Variants in LPIN2 observed in about 807,000 individuals in gnomAD.
The protein encoded by LPIN2 is lipin 2.
A neutral mutation model predicts 111.4 loss-of-function variants in LPIN2; 55 were observed. The observed-to-expected ratio is 0.49, with a 90% CI of 0.40 to 0.62. The LOEUF is 0.62. Ranked by LOEUF, LPIN2 falls within the 20% of genes least tolerant of loss-of-function variation. The pLI is 0.00. For synonymous variants in LPIN2, 425 were observed against 414.0 expected (o/e 1.03, Z -0.32); for missense variants, 992 against 1,112.1 (o/e 0.89, Z 1.54).
chr18:2,930,438 T>G (rs1598530521), intron 9 of LPIN2, among the ~76,000 whole-genome samples: 1 of 152,352 alleles, frequency 6.6e-6, no homozygotes, highest in East Asian at 1.9e-4. Context: ...ATAATGAGCT[T>G]CCTGTGACCC....
chr18:2,965,388 G>C (rs68176423), intron 1 of LPIN2, among the ~76,000 whole-genome samples: 6,692 of 152,224 alleles, frequency 0.044, 175 homozygotes, highest in Middle Eastern at 0.092. Context: ...CTTTTGCTGA[G>C]CATCAAAGAA....
chr18:2,959,024 C>T (rs2077666459), intron 2 of LPIN2, among the ~76,000 whole-genome samples: 1 of 152,140 alleles, frequency 6.6e-6, no homozygotes. Flanking sequence ...CCAATTCCCC[C>T]AGAACAGGTC....
chr18:2,953,571 T>C (rs1203400080), intron 3 of LPIN2, among the ~76,000 whole-genome samples: 1 of 152,232 alleles, frequency 6.6e-6, no homozygotes, highest in Admixed American at 6.5e-5. Flanking sequence ...AAGTTGTTGG[T>C]TTCTCAATCA....
At chr18:2,945,784 G>T in intron 4 of LPIN2, 1 of 1,283,194 alleles carries the variant, frequency 7.8e-7, no homozygotes, top group Non-Finnish European at 1.1e-6. Context: ...ACTCGACTAA[G>T]TTCTGGAAGT....
In LPIN2 at chr18:3,003,283, G is replaced by A. The variant is rs2078461626; in HGVS notation, c.-10+9804C>T. 1.3e-5 allele frequency among the ~76,000 whole-genome samples: 2 copies of A among 152,210 alleles called. 1 individual carries two copies. The highest frequency in any genetic ancestry group is 4.1e-4 in the South Asian group (2 of 4,828). On this transcript the variant is annotated intron_variant, in intron 1 of 19. Coordinates refer to ENST00000677752, the MANE Select transcript of LPIN2 (RefSeq NM_001375808.2). ...TCCATTAGCGGGGAGCTCATCTGCA[G>A]ATGTAGTTACCAAGTGAGTCAAATG...
intron 4 of LPIN2, among the ~76,000 whole-genome samples, chr18:2,941,356 A>C (rs531380431): frequency 6.6e-6 from 1 of 152,332 alleles, no homozygotes; most frequent in South Asian, 2.1e-4. Context: ...ATGATACCAA[A>C]AATGACAAAT....
rs1427916506 is a variant in LPIN2 at position 2,951,173 on chromosome 18, T to G, written c.472A>C (p.Arg158=). ...TPSSVKKKKR[R]RKKYKQDSKK... ...CTGTCCTGTTTGTATTTCTTTCTCC[T>G]TCGTTTTTTCTTTTTCACAGAACTT... The change falls in exon 4 of 20, where the codon AGG becomes CGG. Residue 158 remains arginine, a synonymous_variant. Coordinates refer to ENST00000677752, the MANE Select transcript of LPIN2 (RefSeq NM_001375808.2). The G allele has an allele frequency of 1.2e-6, 2 of 1,614,192 alleles. No homozygotes were observed. Among genetic ancestry groups the G allele is most frequent in the East Asian group, 4.5e-5 (2 of 44,878 alleles).
chr18:2,958,226 G>A (rs559954222), intron 2 of LPIN2, among the ~76,000 whole-genome samples: 11 of 145,880 alleles, frequency 7.5e-5, no homozygotes, highest in Non-Finnish European at 1.7e-4. Flanking sequence ...AGCTTTTTCT[G>A]ATATCAATAA....
intron 1 of LPIN2, among the ~76,000 whole-genome samples, chr18:2,999,370 G>C (rs1331470374): frequency 6.6e-6 from 1 of 152,122 alleles, no homozygotes; most frequent in African/African-American, 2.4e-5. Flanking sequence ...GCCAAAGCGG[G>C]CGGATCACGA....
chr18:2,925,133 C>CT lies in LPIN2; in HGVS notation c.1938+90dup. The CT allele has an allele frequency of 6.6e-7, 1 of 1,508,660 alleles. No individual in the cohort carries two copies. The highest frequency in any genetic ancestry group is 9.2e-7 in the Non-Finnish European group (1 of 1,090,660). 93.5% of individuals were successfully genotyped at this position (1,508,660 alleles called of 1,614,324 possible). A position where few individuals can be genotyped will look rare whatever the true frequency, so the allele number is the denominator to read the frequency against. On this transcript the variant is annotated intron_variant, in intron 14 of 19. Transcript: ENST00000677752. The surrounding 1 kb of genome is among the most constrained non-coding windows in gnomAD (Gnocchi z 4.1). ...ACCATGCCGTGTGGCGTGTATGCAG[C>CT]TGGGGACGTGTGGACAGAAGAGGAT...
In LPIN2 at chr18:2,995,445, TA is replaced by T. The variant is rs1214831999; in HGVS notation, c.-10+17641del. 4.6e-5 allele frequency among the ~76,000 whole-genome samples: 7 copies of T among 151,880 alleles called. No individual in the cohort carries two copies. In the East Asian group the frequency reaches 1.4e-3, roughly 29 times the overall value. On this transcript the variant is annotated intron_variant, in intron 1 of 19. Transcript: ENST00000677752. ...TCTTCTCTTCTTCCAAGTTTTGGTG[TA>T]AAACTGTTTAGTCACATCTACACTC...
At chr18:3,006,236 G>A (rs988937486) in intron 1 of LPIN2, among the ~76,000 whole-genome samples, 2 of 152,188 alleles carry the variant, frequency 1.3e-5, no homozygotes, top group Non-Finnish European at 2.9e-5. Flanking sequence ...GTGTTCCTAA[G>A]TAGAAGGCAT....
chr18:2,996,974 G>C (rs2078354385), intron 1 of LPIN2, among the ~76,000 whole-genome samples: 1 of 121,800 alleles, frequency 8.2e-6, no homozygotes, highest in African/African-American at 3.1e-5. Flanking sequence ...TTCATTTTTG[G>C]AGGCTTGTAT....
At chr18:2,955,050 A>C (rs2077588216) in intron 2 of LPIN2, among the ~76,000 whole-genome samples, 1 of 152,180 alleles carries the variant, frequency 6.6e-6, no homozygotes, top group South Asian at 2.1e-4. Context: ...TCACTACGTA[A>C]GTAACAGGTG....
chr18:2,922,012 G>A (rs2077061634), intron 17 of LPIN2, 35 bp downstream of exon 17: 2 of 1,601,254 alleles, frequency 1.2e-6, no homozygotes, highest in East Asian at 2.2e-5. Context: ...CACATGCTGG[G>A]GCGGTGGGCA....
chr18:3,000,369 G>C (rs1435633717), intron 1 of LPIN2, among the ~76,000 whole-genome samples: 1 of 152,204 alleles, frequency 6.6e-6, no homozygotes, highest in East Asian at 1.9e-4. Context: ...TCAGAAACAT[G>C]ATTTTCCAAA....
Position 2,937,869 on chromosome 18 carries a change from C to G in LPIN2, c.991G>C (p.Ala331Pro). ...VCTIVKPKPRALGTQMSDPTS... is the reference protein window; with the variant it reads ...VCTIVKPKPRPLGTQMSDPTS... ...GGGTCGCTCATCTGTGTACCCAGGG[C>G]TCTGGGTTTGGGCTTCACTATGGTA... Residue 331 changes from alanine to proline, a missense_variant, in exon 7 of 20, where the codon GCC becomes CCC. Ala to Pro is a conservative substitution (Grantham distance 27). Coordinates refer to ENST00000677752, the MANE Select transcript of LPIN2 (RefSeq NM_001375808.2). 6.2e-7 allele frequency: 1 copy of G among 1,614,088 alleles called. No homozygotes were observed. Among genetic ancestry groups the G allele is most frequent in the Non-Finnish European group, 8.5e-7 (1 of 1,180,028 alleles).
At chr18:2,971,952 C>T (rs967792631) in intron 1 of LPIN2, among the ~76,000 whole-genome samples, 7 of 152,050 alleles carry the variant, frequency 4.6e-5, no homozygotes, top group African/African-American at 1.7e-4. Context: ...GAGGCCGAGA[C>T]ACGAGAATCG....
At chr18:2,956,036 T>G (rs896273608) in intron 2 of LPIN2, among the ~76,000 whole-genome samples, 6 of 152,218 alleles carry the variant, frequency 3.9e-5, no homozygotes, top group Admixed American at 1.3e-4. Flanking sequence ...GTATTTTGAC[T>G]TGTATTATAA....
Sources: allele counts gnomAD v4.1 joint callset (sites outside exome capture counted in the v4.1 genomes callset), GRCh38; gene constraint gnomAD v4.1.1; non-coding constraint Gnocchi (gnomAD v3.1); transcripts MANE v1.5; gene names NCBI Gene and HGNC (gene_info 2026-07-23, HGNC 2026-07-21).